The following GABRB1 variants were observed in gnomAD, a reference collection of about 807,000 sequenced individuals.
The protein encoded by GABRB1 is gamma-aminobutyric acid type A receptor subunit beta1, also known as gamma-aminobutyric acid receptor subunit beta-1.
Under a neutral mutation model 51.6 loss-of-function variants are expected in GABRB1, and 17 were observed. That is an observed-to-expected ratio of 0.33 (90% CI 0.23 to 0.49). The LOEUF (loss-of-function observed/expected upper bound fraction) is 0.49, where lower values mean the gene tolerates loss of function less well. Among genes scored for constraint, GABRB1 ranks in the 20% least tolerant of loss-of-function variants. The pLI is 0.99. For synonymous variants in GABRB1, 247 were observed against 218.9 expected (o/e 1.13, Z -1.14); for missense variants, 410 against 600.6 (o/e 0.68, Z 3.32).
At chr4:47,271,273 T>C (rs996172444) in intron 4 of GABRB1, among the ~76,000 whole-genome samples, 1 of 152,148 alleles carries the variant, frequency 6.6e-6, no homozygotes, top group Non-Finnish European at 1.5e-5. Context: ...AACCATTATT[T>C]AAGTTTGGCC....
chr4:47,295,012 C>T (rs146650799), intron 4 of GABRB1, among the ~76,000 whole-genome samples: 6,558 of 152,270 alleles, frequency 0.043, 365 homozygotes, highest in East Asian at 0.28. Flanking sequence ...TGGAGTGGAC[C>T]TCTAGCAAAC....
chr4:47,032,623 G>C (rs916598400), intron 3 of GABRB1, 139 bp downstream of exon 3: 8 of 791,846 alleles, frequency 1.0e-5, no homozygotes, highest in South Asian at 9.8e-5. Context: ...TCCCCGCTCC[G>C]GCACACACAC....
intron 4 of GABRB1, among the ~76,000 whole-genome samples, chr4:47,279,523 C>T (rs1723199782): frequency 6.6e-6 from 1 of 152,048 alleles, no homozygotes; most frequent in Non-Finnish European, 1.5e-5. Context: ...AGGGAAGGCC[C>T]TTTGATCCAC....
rs905968162 is a variant in GABRB1 at position 47,249,782 on chromosome 4, C to T, written c.462-70345C>T. ...TTTCGGTGTCCATTTGCATGAAATG[C>T]CTTTTTCCACCCTTTTACTTTAAGT... On this transcript the variant is annotated intron_variant, in intron 4 of 8. Transcript: ENST00000295454. 9.2e-5 allele frequency among the ~76,000 whole-genome samples: 14 copies of T among 152,142 alleles called. 1 individual carries two copies. Among genetic ancestry groups the T allele is most frequent in the Admixed American group, 7.2e-4 (11 of 15,288 alleles).
At position 47,174,889 on chromosome 4, in the gene GABRB1, TTTCC is replaced by T. The variant is rs942476066; in HGVS notation, c.461+13436_461+13439del. 2.7e-4 allele frequency among the ~76,000 whole-genome samples: 36 copies of T among 133,698 alleles called. No individual in the cohort carries two copies. The South Asian group carries it at 3.1e-3, about 12-fold the overall frequency. The allele number at this position is 133,698 out of a possible 152,430, so 87.7% of individuals were successfully genotyped here. A position where few individuals can be genotyped will look rare whatever the true frequency, so the allele number is the denominator to read the frequency against. On this transcript the variant is annotated intron_variant, in intron 4 of 8. Transcript: ENST00000295454. ...CTCCCTTCCCTCCCTCCCTTCCTTC[TTTCC>T]TTCCTTCCTTCCTTCTTTCCTTCCT...
At chr4:47,375,602 C>T (rs1727348928) in intron 5 of GABRB1, among the ~76,000 whole-genome samples, 1 of 152,194 alleles carries the variant, frequency 6.6e-6, no homozygotes, top group Non-Finnish European at 1.5e-5. Flanking sequence ...GAGATTCTAT[C>T]ATCTTATAGC....
intron 3 of GABRB1, among the ~76,000 whole-genome samples, chr4:47,148,847 G>A (rs1033196839): frequency 1.3e-5 from 2 of 151,844 alleles, no homozygotes; most frequent in African/African-American, 4.8e-5. Flanking sequence ...ATCTACCCAC[G>A]AACTGAATGT....
chr4:47,354,751 C>G (rs1386593326), intron 5 of GABRB1, among the ~76,000 whole-genome samples: 1 of 151,888 alleles, frequency 6.6e-6, no homozygotes, highest in East Asian at 1.9e-4. Context: ...TGTTAGAAAG[C>G]AATTTACCTC....
At chr4:47,173,972 T>C (rs1332924203) in intron 4 of GABRB1, among the ~76,000 whole-genome samples, 2 of 152,170 alleles carry the variant, frequency 1.3e-5, no homozygotes, top group Non-Finnish European at 2.9e-5. Flanking sequence ...ATCACAACTA[T>C]TGTTTTTCCT....
At chr4:47,360,926 A>G (rs1273240128) in intron 5 of GABRB1, among the ~76,000 whole-genome samples, 2 of 152,130 alleles carry the variant, frequency 1.3e-5, no homozygotes, top group African/African-American at 4.8e-5. Flanking sequence ...TGCCTTATGC[A>G]TGTTAATTTA....
intron 4 of GABRB1, among the ~76,000 whole-genome samples, chr4:47,208,182 C>G (rs1323190424): frequency 6.6e-6 from 1 of 151,888 alleles, no homozygotes; most frequent in African/African-American, 2.4e-5. Flanking sequence ...CTTATATATG[C>G]AACAGCATGG....
chr4:47,294,885 G>A (rs185179789), intron 4 of GABRB1, among the ~76,000 whole-genome samples: 10 of 152,122 alleles, frequency 6.6e-5, no homozygotes, highest in East Asian at 3.9e-4. Flanking sequence ...CACCTCACAC[G>A]GCCGGGTACT....
intron 4 of GABRB1, among the ~76,000 whole-genome samples, chr4:47,226,712 T>C (rs548891292): frequency 6.6e-6 from 1 of 152,236 alleles, no homozygotes; most frequent in African/African-American, 2.4e-5. Context: ...CCTATAAATA[T>C]CTCAATAAAT....
intron 3 of GABRB1, among the ~76,000 whole-genome samples, chr4:47,123,028 A>G (rs1161153116): frequency 6.6e-6 from 1 of 152,134 alleles, no homozygotes; most frequent in Non-Finnish European, 1.5e-5. Flanking sequence ...CCTACAAAAT[A>G]GGAAGCTGCA....
At chr4:47,175,240 T>C (rs1368854353) in intron 4 of GABRB1, among the ~76,000 whole-genome samples, 1 of 151,598 alleles carries the variant, frequency 6.6e-6, no homozygotes, top group Non-Finnish European at 1.5e-5. Context: ...TTCTTTCTAA[T>C]AGAAATGAGG....
At chr4:47,072,202 G>T (rs567350949) in intron 3 of GABRB1, among the ~76,000 whole-genome samples, 269 of 152,222 alleles carry the variant, frequency 1.8e-3, no homozygotes, top group Non-Finnish European at 3.1e-3. Context: ...ATTCAATCAA[G>T]ATTATTATTA....
At chr4:47,080,970 A>C (rs537360914) in intron 3 of GABRB1, among the ~76,000 whole-genome samples, 2 of 152,340 alleles carry the variant, frequency 1.3e-5, no homozygotes, top group East Asian at 3.9e-4. Flanking sequence ...ATGCAAGGCC[A>C]GTGAATCAGG....
chr4:47,160,031 A>C (rs549564373), intron 3 of GABRB1, among the ~76,000 whole-genome samples: 95 of 152,242 alleles, frequency 6.2e-4, no homozygotes, highest in African/African-American at 2.2e-3. Context: ...TTTAATGGGC[A>C]ATTTTACCTT....
At chr4:47,031,561 A>T, upstream of GABRB1, 1 of 1,036,170 alleles carries the variant, frequency 9.7e-7, no homozygotes, top group South Asian at 1.3e-5. Context: ...GCGCATGCGC[A>T]GGTCCATTCG....
Sources: allele counts gnomAD v4.1 joint callset (sites outside exome capture counted in the v4.1 genomes callset), GRCh38; gene constraint gnomAD v4.1.1; transcripts MANE v1.5; gene names NCBI Gene and HGNC (gene_info 2026-07-23, HGNC 2026-07-21).